The following TSNARE1 variants were observed in gnomAD, a reference collection of about 807,000 sequenced individuals.
TSNARE1 encodes t-SNARE domain-containing protein 1.
Under a neutral mutation model 62.0 loss-of-function variants are expected in TSNARE1, and 49 were observed. The ratio of observed to expected loss-of-function variants is 0.79; its 90% CI spans 0.63 to 1.00. The LOEUF (loss-of-function observed/expected upper bound fraction) is 1.00. Ranked by LOEUF, TSNARE1 falls within the 50% of genes least tolerant of loss-of-function variation. TSNARE1 has a pLI of 0.00. For missense variants in TSNARE1, 755 were observed against 700.1 expected, an observed-to-expected ratio of 1.08 and a Z score of -0.88; for synonymous variants, 328 against 294.4, an observed-to-expected ratio of 1.11 and a Z score of -1.17.
Position 142,345,862 on chromosome 8 carries a change from A to G in TSNARE1, c.119T>C (p.Ile40Thr). The G allele has an allele frequency of 6.2e-7, 1 of 1,613,886 alleles. No individual in the cohort carries two copies. The highest frequency in any genetic ancestry group is 1.1e-5 in the South Asian group (1 of 91,048). ...TGGCGACGGGCAGGGGAAATGGCGGATTCCATACTCGGTCCAACATCTAGC... is the reference window on the plus strand; with the variant it reads ...TGGCGACGGGCAGGGGAAATGGCGGGTTCCATACTCGGTCCAACATCTAGC... ...ECARCWTEYGIRHFPCPSPES... is the reference protein window; with the variant it reads ...ECARCWTEYGTRHFPCPSPES... The change falls in exon 3 of 14, where the codon ATC (isoleucine) becomes ACC (threonine). Residue 40 changes from isoleucine (I) to threonine (T), a missense_variant. Physicochemically the swap from Ile to Thr is moderately conservative, Grantham distance 89. Transcript: ENST00000524325.
chr8:142,240,612 G>T (rs1261386725), intron 12 of TSNARE1, among the ~76,000 whole-genome samples: 2 of 152,108 alleles, frequency 1.3e-5, no homozygotes, highest in Admixed American at 6.6e-5. Flanking sequence ...GCAAGTCTTG[G>T]CAAATTTCAA....
intron 6 of TSNARE1, among the ~76,000 whole-genome samples, chr8:142,327,453 A>G (rs1489628242): frequency 6.6e-6 from 1 of 150,910 alleles, no homozygotes; most frequent in Non-Finnish European, 1.5e-5. Context: ...GAATGGGTCC[A>G]TCCTTACAGA....
At chr8:142,333,937 C>A (rs1563934216) in intron 4 of TSNARE1, among the ~76,000 whole-genome samples, 1 of 151,624 alleles carries the variant, frequency 6.6e-6, no homozygotes, top group Admixed American at 6.6e-5. Flanking sequence ...CAAGGTCAAG[C>A]CAGGGCCTCA....
intron 1 of TSNARE1, among the ~76,000 whole-genome samples, chr8:142,396,801 A>T (rs1837925183): frequency 6.6e-6 from 1 of 152,200 alleles, no homozygotes; most frequent in Admixed American, 6.5e-5. Context: ...GAGCAGGAAG[A>T]GCCTAGCAGG....
chr8:142,263,630 T>C (rs1818998620), intron 12 of TSNARE1, among the ~76,000 whole-genome samples: 1 of 152,244 alleles, frequency 6.6e-6, no homozygotes, highest in Admixed American at 6.5e-5. Context: ...CTGGGTTTAG[T>C]GTCTTCACCA....
chr8:142,331,099 C>A (rs1046868728), intron 5 of TSNARE1, 129 bp from the exon 6 acceptor site: 13 of 770,008 alleles, frequency 1.7e-5, no homozygotes, highest in Non-Finnish European at 2.6e-5. Context: ...TGAGCCAGGG[C>A]AGACCACCTA....
intron 12 of TSNARE1, chr8:142,273,398 CCTT>C (rs1278508709): frequency 1.0e-6 from 1 of 985,308 alleles, no homozygotes; most frequent in Non-Finnish European, 1.2e-6. Flanking sequence ...CTGCCCATCA[CCTT>C]CTGCCTCCTG....
At chr8:142,400,945 G>A (rs999929654) in intron 1 of TSNARE1, among the ~76,000 whole-genome samples, 1 of 152,194 alleles carries the variant, frequency 6.6e-6, no homozygotes, top group Non-Finnish European at 1.5e-5. Flanking sequence ...GCACCAGGAG[G>A]TGCTGTGACC....
intron 4 of TSNARE1, among the ~76,000 whole-genome samples, chr8:142,334,756 C>T (rs1243602271): frequency 6.6e-6 from 1 of 152,190 alleles, no homozygotes; most frequent in African/African-American, 2.4e-5. Context: ...TTGATCCTTT[C>T]GTCAGAAACT....
chr8:142,253,908 C>T (rs73364686), intron 12 of TSNARE1, among the ~76,000 whole-genome samples: 3,152 of 152,320 alleles, frequency 0.021, 100 homozygotes, highest in African/African-American at 0.065. Context: ...CAGGTTCCCC[C>T]GACCCAGGGC....
At chr8:142,389,395 G>A (rs1397520354) in intron 1 of TSNARE1, among the ~76,000 whole-genome samples, 1 of 152,176 alleles carries the variant, frequency 6.6e-6, no homozygotes, top group African/African-American at 2.4e-5. Context: ...AATAAATGGG[G>A]TTACAGGATA....
intron 1 of TSNARE1, among the ~76,000 whole-genome samples, chr8:142,357,152 CA>C (rs1834811754): frequency 1.3e-5 from 2 of 152,174 alleles, no homozygotes; most frequent in African/African-American, 2.4e-5. Context: ...ACAGGAGGGC[CA>C]GGGGAAGAGA....
At chr8:142,347,842 T>C (rs1466311070) in intron 2 of TSNARE1, among the ~76,000 whole-genome samples, 1 of 150,602 alleles carries the variant, frequency 6.6e-6, no homozygotes, top group African/African-American at 2.5e-5. Flanking sequence ...GGACACGCCA[T>C]CACCTCGCCA....
chr8:142,276,105 C>T (rs1188666329), intron 11 of TSNARE1: 5 of 985,304 alleles, frequency 5.1e-6, no homozygotes, highest in African/African-American at 3.5e-5. Flanking sequence ...CGCAGGCACT[C>T]GCAGACACAC....
intron 9 of TSNARE1, among the ~76,000 whole-genome samples, chr8:142,312,640 C>T (rs988462401): frequency 6.6e-6 from 1 of 152,150 alleles, no homozygotes; most frequent in Non-Finnish European, 1.5e-5. Flanking sequence ...CTGTAAAGTA[C>T]TTGTTGCTTG....
intron 12 of TSNARE1, among the ~76,000 whole-genome samples, chr8:142,252,751 A>G (rs4366191): frequency 0.51 from 77,275 of 152,024 alleles, 21,195 homozygotes; most frequent in African/African-American, 0.72. Flanking sequence ...TCTTGTGTGC[A>G]ACAGTTTGGA....
At chr8:142,278,685 G>A (rs1820905602) in intron 11 of TSNARE1, 1 of 985,312 alleles carries the variant, frequency 1.0e-6, no homozygotes, top group African/African-American at 1.7e-5. Flanking sequence ...GGCCTGACCA[G>A]ACAGAAACGC....
intron 12 of TSNARE1, among the ~76,000 whole-genome samples, chr8:142,230,813 C>T (rs1817069941): frequency 6.6e-6 from 1 of 150,868 alleles, no homozygotes; most frequent in African/African-American, 2.4e-5. Context: ...TCCACCCACT[C>T]ATCCATCCAT....
In TSNARE1 at chr8:142,329,791, G is replaced by A. The variant is rs552634386; in HGVS notation, c.893+1110C>T. On this transcript the variant is annotated intron_variant, in intron 6 of 13. Transcript: ENST00000524325. ...TCCAAATTCCCTATCATGAGCCTAC[G>A]TCACTGTCACATCAGAAAACACTTA... Among the ~76,000 whole-genome samples the A allele has an allele frequency of 2.2e-3, 339 of 152,260 alleles. 1 individual carries two copies. The highest frequency in any genetic ancestry group is 7.4e-3 in the African/African-American group (309 of 41,558).
Sources: gnomAD v4.1 joint callset for allele counts (sites outside exome capture counted in the v4.1 genomes callset) on GRCh38, gnomAD v4.1.1 for gene constraint, MANE v1.5 for transcripts, NCBI Gene and HGNC (gene_info 2026-07-23, HGNC 2026-07-21) for gene names.